The following SLC9A9 variants were observed in gnomAD, a reference collection of about 807,000 sequenced individuals.
The protein encoded by SLC9A9 is sodium/hydrogen exchanger 9.
A neutral mutation model predicts 77.8 loss-of-function variants in SLC9A9; 62 were observed. The observed-to-expected ratio is 0.80, with a 90% CI of 0.65 to 0.98. The LOEUF (loss-of-function observed/expected upper bound fraction) is 0.98. Among genes scored for constraint, SLC9A9 ranks in the 50% least tolerant of loss-of-function variants. The pLI is 0.00. For synonymous variants in SLC9A9, 320 were observed against 283.5 expected (o/e 1.13, Z -1.29); for missense variants, 775 against 774.9 (o/e 1.00, Z 0.00).
chr3:143,530,784 G>A (rs1028254620), intron 9 of SLC9A9, among the ~76,000 whole-genome samples: 1 of 152,172 alleles, frequency 6.6e-6, no homozygotes, highest in Non-Finnish European at 1.5e-5. Flanking sequence ...GTCAAGATGG[G>A]AGTTTCTGAT....
At chr3:143,270,252 A>G (rs1345965099) in intron 14 of SLC9A9, among the ~76,000 whole-genome samples, 1 of 152,226 alleles carries the variant, frequency 6.6e-6, no homozygotes, top group Non-Finnish European at 1.5e-5. Flanking sequence ...TACAAATCTG[A>G]AAAGCTCTTG....
At chr3:143,564,967 G>A (rs757753605) in intron 8 of SLC9A9, among the ~76,000 whole-genome samples, 9 of 152,116 alleles carry the variant, frequency 5.9e-5, no homozygotes, top group East Asian at 1.9e-4. Context: ...CTGGCATGGC[G>A]CCTCAAGTTT....
chr3:143,295,256 T>C (rs1358585496), intron 14 of SLC9A9, among the ~76,000 whole-genome samples: 1 of 152,216 alleles, frequency 6.6e-6, no homozygotes, highest in Non-Finnish European at 1.5e-5. Flanking sequence ...ATTCTCCCCT[T>C]TGCCATGGTT....
At chr3:143,385,896 C>G (rs1200143926) in intron 12 of SLC9A9, among the ~76,000 whole-genome samples, 1 of 152,160 alleles carries the variant, frequency 6.6e-6, no homozygotes, top group Non-Finnish European at 1.5e-5. Flanking sequence ...AGCCCCAGCA[C>G]CAAATACAGT....
At chr3:143,815,822 T>C (rs9844907) in intron 2 of SLC9A9, among the ~76,000 whole-genome samples, 136,666 of 151,896 alleles carry the variant, frequency 0.9, 62,493 homozygotes, top group South Asian at 0.98. Flanking sequence ...GCCGGGATCG[T>C]GCCACTGCAC....
intron 12 of SLC9A9, among the ~76,000 whole-genome samples, chr3:143,403,842 G>A (rs896370508): frequency 1.1e-4 from 16 of 152,122 alleles, no homozygotes; most frequent in Admixed American, 2.6e-4. Flanking sequence ...TGAACTTCTT[G>A]AAGGTGTGGA....
chr3:143,688,497 A>G (rs752901031), intron 5 of SLC9A9, among the ~76,000 whole-genome samples: 6 of 152,144 alleles, frequency 3.9e-5, no homozygotes, highest in Non-Finnish European at 5.9e-5. Context: ...CCTGAAAGCC[A>G]GAATATCTAC....
At chr3:143,318,285 A>G (rs369359845) in intron 14 of SLC9A9, among the ~76,000 whole-genome samples, 2 of 152,374 alleles carry the variant, frequency 1.3e-5, no homozygotes, top group East Asian at 3.9e-4. Context: ...TGAGAAATAA[A>G]CAACTGAGAA....
At chr3:143,633,040 C>T (rs1439895311) in intron 6 of SLC9A9, among the ~76,000 whole-genome samples, 1 of 152,218 alleles carries the variant, frequency 6.6e-6, no homozygotes, top group East Asian at 1.9e-4. Flanking sequence ...TCAAGTTTTG[C>T]TGTCACACAA....
intron 1 of SLC9A9, among the ~76,000 whole-genome samples, chr3:143,840,444 C>T (rs2108896796): frequency 6.6e-6 from 1 of 152,252 alleles, no homozygotes; most frequent in Admixed American, 6.5e-5. Context: ...TTCACAGTCC[C>T]TTCTCAAACT....
chr3:143,556,287 T>A (rs1173429115), intron 8 of SLC9A9, among the ~76,000 whole-genome samples: 1 of 152,188 alleles, frequency 6.6e-6, no homozygotes, highest in Non-Finnish European at 1.5e-5. Context: ...CTAGAAGTGC[T>A]TTTTGTGCCA....
chr3:143,669,185 T>C (rs1015127444), intron 5 of SLC9A9, among the ~76,000 whole-genome samples: 2 of 152,198 alleles, frequency 1.3e-5, no homozygotes, highest in African/African-American at 4.8e-5. Flanking sequence ...GGCTGAGTCC[T>C]AAAAAGAACC....
rs2035697196 is a variant in SLC9A9, at chr3:143,488,936, G to T, written c.1315+4717C>A. Among the ~76,000 whole-genome samples, 3 of 151,834 alleles carry T rather than the reference G, an allele frequency of 2.0e-5. No individual in the cohort carries two copies. In the South Asian group the frequency reaches 6.2e-4, roughly 32 times the overall value. On this transcript the variant is annotated intron_variant, in intron 11 of 15. Coordinates refer to ENST00000316549, the MANE Select transcript of SLC9A9 (RefSeq NM_173653.4). ...AAATAAAGGTATTCAAACTGAAAAA[G>T]AAGTAAAATTATCTCTGTTTACAGG...
intron 6 of SLC9A9, among the ~76,000 whole-genome samples, chr3:143,651,891 T>C (rs2038802542): frequency 6.6e-6 from 1 of 152,238 alleles, no homozygotes; most frequent in South Asian, 2.1e-4. Flanking sequence ...TACAAGGGTT[T>C]CTATTAGACT....
At chr3:143,750,439 A>G (rs912820580) in intron 4 of SLC9A9, among the ~76,000 whole-genome samples, 11 of 152,332 alleles carry the variant, frequency 7.2e-5, no homozygotes, top group East Asian at 1.9e-4. Context: ...ATTATCTTTC[A>G]CAATAGAGCT....
intron 9 of SLC9A9, among the ~76,000 whole-genome samples, chr3:143,522,613 T>C (rs989610501): frequency 2.0e-5 from 3 of 152,108 alleles, no homozygotes; most frequent in Non-Finnish European, 2.9e-5. Flanking sequence ...GCAAGATCTG[T>C]AGCATTTATA....
chr3:143,348,616 T>G (rs530207589), intron 14 of SLC9A9, among the ~76,000 whole-genome samples: 1 of 152,318 alleles, frequency 6.6e-6, no homozygotes, highest in East Asian at 1.9e-4. Flanking sequence ...AGAAAGTATC[T>G]TTTGTTTGGC....
In SLC9A9 at chr3:143,541,270, T is replaced by A. The variant is rs554454935; in HGVS notation, c.1089+11092A>T. 4.2e-4 allele frequency among the ~76,000 whole-genome samples: 64 copies of A among 152,230 alleles called. 1 individual carries two copies. The South Asian group carries it at 0.013, about 30-fold the overall frequency. Reference sequence around the variant, plus strand: ...GCTCTGGGCAAAGTAAGCTTTCACATCACGAGGACACCCAAGCAGCCCGAT... The same window carrying A: ...GCTCTGGGCAAAGTAAGCTTTCACAACACGAGGACACCCAAGCAGCCCGAT... On this transcript the variant is annotated intron_variant, in intron 9 of 15. Transcript: ENST00000316549.
At chr3:143,628,988 A>T (rs952190750) in intron 6 of SLC9A9, among the ~76,000 whole-genome samples, 3 of 152,182 alleles carry the variant, frequency 2.0e-5, no homozygotes, top group African/African-American at 7.2e-5. Context: ...TCAGCAAAGG[A>T]GCTACACTAT....
Sources: gnomAD v4.1 joint callset for allele counts (sites outside exome capture counted in the v4.1 genomes callset) on GRCh38, gnomAD v4.1.1 for gene constraint, MANE v1.5 for transcripts, NCBI Gene and HGNC (gene_info 2026-07-23, HGNC 2026-07-21) for gene names.